Variants in KIFC3 observed in about 807,000 individuals in gnomAD.
KIFC3 encodes kinesin-like protein KIFC3.
KIFC3 carries 60 observed loss-of-function variants against 101.8 expected under a neutral mutation model. The observed-to-expected ratio is 0.59, with a 90% CI of 0.48 to 0.73. KIFC3 has a LOEUF of 0.73. KIFC3 is among the 30% of genes least tolerant of loss of function. KIFC3 has a pLI of 0.00. For synonymous variants in KIFC3, 476 were observed against 482.7 expected (o/e 0.99, Z 0.18); for missense variants, 966 against 1,137.1 (o/e 0.85, Z 2.16).
rs1229040284 is a variant in KIFC3 at position 57,766,873 on chromosome 16, C to T, written c.1330+1G>A. On this transcript the variant is annotated splice_donor_variant, in intron 10 of 19. Transcript: ENST00000445690. LOFTEE classifies it high-confidence loss of function. The stretch of plus-strand genomic sequence containing the variant: ...CCCACCCCCAGCCCTCCTGCAGTCA[C>T]CTTTCAGCCGCACGAGCTCATTGTG... 4 of 1,606,714 alleles carry T rather than the reference C, an allele frequency of 2.5e-6. No homozygotes were observed. The highest frequency in any genetic ancestry group is 3.4e-6 in the Non-Finnish European group (4 of 1,178,856).
chr16:57,809,342 C>T (rs1304082614), intron 1 of KIFC3, among the ~76,000 whole-genome samples: 2 of 152,168 alleles, frequency 1.3e-5, no homozygotes, highest in African/African-American at 2.4e-5. Context: ...CTCACCCAGG[C>T]TGGAGTGAGG....
chr16:57,804,400 T>C (rs149582906), upstream of KIFC3, among the ~76,000 whole-genome samples: 1 of 152,308 alleles, frequency 6.6e-6, no homozygotes, highest in African/African-American at 2.4e-5. Context: ...AGAAAGTTTG[T>C]TCACAAATGC....
At chr16:57,849,553 G>A (rs2056004404) in intron 1 of KIFC3, among the ~76,000 whole-genome samples, 1 of 152,172 alleles carries the variant, frequency 6.6e-6, no homozygotes, top group Admixed American at 6.5e-5. Flanking sequence ...GTCTTATGAA[G>A]GGAAGGAGAA....
chr16:57,772,192 G>A, intron 4 of KIFC3, 31 bp downstream of exon 4: 1 of 1,604,548 alleles, frequency 6.2e-7, no homozygotes, highest in South Asian at 1.1e-5. Context: ...GCCAGGCCCT[G>A]CGCTACCCCA....
intron 1 of KIFC3, among the ~76,000 whole-genome samples, chr16:57,826,192 A>G (rs955228127): frequency 3.3e-5 from 5 of 152,328 alleles, no homozygotes; most frequent in Non-Finnish European, 5.9e-5. Context: ...CCACCATGGG[A>G]GTCCAGAGCA....
intron 1 of KIFC3, among the ~76,000 whole-genome samples, chr16:57,841,404 G>A (rs1321767918): frequency 2.0e-5 from 3 of 152,166 alleles, no homozygotes; most frequent in Non-Finnish European, 2.9e-5. Context: ...AGTGGCTCAC[G>A]CCTGTAATCC....
At chr16:57,843,850 A>C (rs1390848699) in intron 1 of KIFC3, among the ~76,000 whole-genome samples, 1 of 152,122 alleles carries the variant, frequency 6.6e-6, no homozygotes, top group African/African-American at 2.4e-5. Context: ...GCTCACGCTC[A>C]TAATCCCAGC....
In KIFC3 at chr16:57,802,226, G is replaced by T; in HGVS notation, c.-40+144C>A. 3.3e-6 allele frequency: 1 copy of T among 302,206 alleles called. No homozygotes were observed. The highest frequency in any genetic ancestry group is 4.9e-6 in the Non-Finnish European group (1 of 205,058). 18.7% of individuals were successfully genotyped at this position (302,206 alleles called of 1,614,324 possible). A position where few individuals can be genotyped will look rare whatever the true frequency, so the allele number is the denominator to read the frequency against. On this transcript the variant is annotated intron_variant, in intron 1 of 19. Coordinates refer to ENST00000445690, the MANE Select transcript of KIFC3 (RefSeq NM_001130100.2). The surrounding 1 kb of genome is among the most constrained non-coding windows in gnomAD (Gnocchi z 5.0). Reference sequence around the variant, plus strand: ...GGGACCTCGCAGGGCTGGGTCTCCCGGGCCTTTCCCTCCCCGCGCCCATAG... The same window carrying T: ...GGGACCTCGCAGGGCTGGGTCTCCCTGGCCTTTCCCTCCCCGCGCCCATAG...
intron 3 of KIFC3, among the ~76,000 whole-genome samples, chr16:57,773,614 C>T (rs1208647360): frequency 6.6e-6 from 1 of 152,232 alleles, no homozygotes; most frequent in East Asian, 1.9e-4. Flanking sequence ...ATGATAGCAT[C>T]ACTGTACCCC....
chr16:57,789,119 C>T (rs1555619159), intron 3 of KIFC3, among the ~76,000 whole-genome samples: 2 of 152,220 alleles, frequency 1.3e-5, no homozygotes, highest in East Asian at 3.9e-4. Flanking sequence ...GGCAACTGCT[C>T]CCATGCCAGC....
Position 57,771,385 on chromosome 16 carries a change from TC to T in KIFC3, c.577del (p.Glu193LysfsTer9). ...KLSQLQLEMA[E>X]SKGMLSELNL... ...CAGCTCTGACAGCATGCCTTTGCTT[TC>T]CGCCATCTCCAGCTGCAGCTGGGAC... On this transcript the variant is annotated frameshift_variant, in exon 6 of 20. Coordinates refer to ENST00000445690, the MANE Select transcript of KIFC3 (RefSeq NM_001130100.2). LOFTEE classifies it high-confidence loss of function. 6.2e-7 allele frequency: 1 copy of T among 1,613,666 alleles called. No individual in the cohort carries two copies. The highest frequency in any genetic ancestry group is 8.5e-7 in the Non-Finnish European group (1 of 1,180,046).
At chr16:57,831,624 A>G (rs2055582404) in intron 1 of KIFC3, among the ~76,000 whole-genome samples, 2 of 152,218 alleles carry the variant, frequency 1.3e-5, no homozygotes, top group African/African-American at 4.8e-5. Flanking sequence ...CAGGAGGTCC[A>G]GGCTACTGTG....
chr16:57,770,072 ATGTG>A, intron 7 of KIFC3, 117 bp from the exon 8 acceptor site: 1 of 1,206,240 alleles, frequency 8.3e-7, no homozygotes, highest in African/African-American at 1.5e-5. Flanking sequence ...GCACACACAC[ATGTG>A]CACACCCAGA....
At chr16:57,775,637 TC>T (rs1294816992) in intron 3 of KIFC3, 3 of 985,332 alleles carry the variant, frequency 3.0e-6, no homozygotes, top group Non-Finnish European at 3.6e-6. Context: ...CACCGCAGCT[TC>T]CAGCCAGCAA....
In KIFC3 at chr16:57,761,432, C is replaced by A. The variant is rs1555597501; in HGVS notation, c.1853G>T (p.Ser618Ile). ...VPGLTEFQVQSVDDINKVFEF... is the reference protein window; with the variant it reads ...VPGLTEFQVQIVDDINKVFEF... ...CCACACCTTGTTGATGTCGTCCACG[C>A]TCTGCACTTGGAACTCAGTCAGCCC... Residue 618 changes from serine to isoleucine, a missense_variant, in exon 14 of 20, where the codon AGC becomes ATC. By Grantham distance (142) the Ser-to-Ile change is moderately radical (BLOSUM62 -2). This residue lies in a region of KIFC3 where 689 missense variants were observed against 884.6 expected (regional missense o/e 0.78). Coordinates refer to ENST00000445690, the MANE Select transcript of KIFC3 (RefSeq NM_001130100.2). 1 of 1,614,070 alleles carries A rather than the reference C, an allele frequency of 6.2e-7. No individual in the cohort carries two copies. Among genetic ancestry groups the A allele is most frequent in the Admixed American group, 1.7e-5 (1 of 60,020 alleles).
chr16:57,759,995 A>G (rs2049635785), intron 17 of KIFC3, 159 bp from the exon 18 acceptor site: 1 of 623,512 alleles, frequency 1.6e-6, no homozygotes, highest in Non-Finnish European at 2.8e-6. Flanking sequence ...TATGGCAAGA[A>G]TTAAATGAGA....
intron 3 of KIFC3, among the ~76,000 whole-genome samples, chr16:57,793,553 A>C (rs1485636510): frequency 1.3e-5 from 2 of 150,194 alleles, no homozygotes; most frequent in African/African-American, 4.9e-5. Context: ...AGATCATGCC[A>C]TTGCACTCCA....
chr16:57,775,327 G>T lies in KIFC3; in HGVS notation c.316-3039C>A, dbSNP rs569414936. 101 of 1,177,714 alleles carry T rather than the reference G, an allele frequency of 8.6e-5. No individual in the cohort carries two copies. In the African/African-American group the frequency reaches 1.5e-3, roughly 18 times the overall value. 73.0% of individuals were successfully genotyped at this position (1,177,714 alleles called of 1,614,324 possible). On this transcript the variant is annotated intron_variant, in intron 3 of 19. Transcript: ENST00000445690. ...CTTCTTGAGGGCAGCAAAGCAGGGG[G>T]AATGTGACTGAGACGCAGCAGACTG...
intron 1 of KIFC3, among the ~76,000 whole-genome samples, chr16:57,846,122 G>A (rs1461272219): frequency 6.6e-6 from 1 of 152,166 alleles, no homozygotes; most frequent in Non-Finnish European, 1.5e-5. Context: ...TTATAAGCCT[G>A]TGCCCACTCC....
Sources: gnomAD v4.1 joint callset for allele counts (sites outside exome capture counted in the v4.1 genomes callset) on GRCh38, gnomAD v4.1.1 for gene constraint, gnomAD v4.1.1 regional missense constraint, Gnocchi (gnomAD v3.1) non-coding constraint, MANE v1.5 for transcripts, NCBI Gene and HGNC (gene_info 2026-07-23, HGNC 2026-07-21) for gene names.